The following ADGRG7 variants were observed in gnomAD, a reference collection of about 807,000 sequenced individuals.
ADGRG7 encodes the protein adhesion G protein-coupled receptor G7, also known as G-protein coupled receptor 128.
In ADGRG7, 82 loss-of-function variants were observed where a neutral mutation model predicts 88.6. That is an observed-to-expected ratio of 0.93 (90% CI 0.77 to 1.11). ADGRG7 has a LOEUF of 1.11. Ranked by LOEUF, ADGRG7 falls within the 50% of genes most tolerant of loss-of-function variation. ADGRG7 has a pLI of 0.00. For missense variants in ADGRG7, 945 were observed against 953.4 expected, an observed-to-expected ratio of 0.99 and a Z score of 0.12; for synonymous variants, 381 against 345.2, an observed-to-expected ratio of 1.10 and a Z score of -1.15.
At chr3:100,673,502 T>G (rs1165346) in intron 15 of ADGRG7, among the ~76,000 whole-genome samples, 3 of 148,998 alleles carry the variant, frequency 2.0e-5, no homozygotes, top group Non-Finnish European at 3.0e-5. Context: ...CGGTCTGTCA[T>G]GCAGGCTGGA....
At chr3:100,631,197 G>C (rs1415045556) in intron 3 of ADGRG7, among the ~76,000 whole-genome samples, 2 of 152,094 alleles carry the variant, frequency 1.3e-5, no homozygotes, top group Non-Finnish European at 2.9e-5. Flanking sequence ...TTTCCAGGTA[G>C]AGATGCATGG....
At chr3:100,618,570 T>G (rs187828486) in intron 1 of ADGRG7, among the ~76,000 whole-genome samples, 2,258 of 152,214 alleles carry the variant, frequency 0.015, 47 homozygotes, top group African/African-American at 0.051. Context: ...TGTTCCATTG[T>G]TCTATATCTC....
intron 5 of ADGRG7, among the ~76,000 whole-genome samples, chr3:100,636,068 CT>C (rs1481849680): frequency 6.6e-6 from 1 of 152,070 alleles, no homozygotes; most frequent in Non-Finnish European, 1.5e-5. Context: ...TTGTCTTTTT[CT>C]TTTGAGACAG....
chr3:100,644,682 A>AT (rs1466000383), intron 8 of ADGRG7, among the ~76,000 whole-genome samples: 2 of 150,760 alleles, frequency 1.3e-5, no homozygotes, highest in African/African-American at 4.9e-5. Context: ...AGCCCTGCTA[A>AT]TTAAAAAAAA....
At chr3:100,690,866 G>T (rs975641170) in intron 15 of ADGRG7, among the ~76,000 whole-genome samples, 1 of 152,224 alleles carries the variant, frequency 6.6e-6, no homozygotes, top group Non-Finnish European at 1.5e-5. Context: ...CAAGCTGTGT[G>T]CTGGGAGAAC....
intron 14 of ADGRG7, among the ~76,000 whole-genome samples, chr3:100,667,276 C>A (rs1171302185): frequency 1.3e-5 from 2 of 152,056 alleles, no homozygotes; most frequent in African/African-American, 4.8e-5. Flanking sequence ...GTTTGCTGCA[C>A]CCATTAATCC....
At chr3:100,692,429 G>C (rs2094995503) in intron 15 of ADGRG7, among the ~76,000 whole-genome samples, 1 of 152,164 alleles carries the variant, frequency 6.6e-6, no homozygotes, top group South Asian at 2.1e-4. Flanking sequence ...CAGGAATTTA[G>C]GGAGGAATCT....
At chr3:100,690,670 C>A (rs926232116) in intron 15 of ADGRG7, among the ~76,000 whole-genome samples, 2 of 152,190 alleles carry the variant, frequency 1.3e-5, no homozygotes, top group Admixed American at 1.3e-4. Context: ...GCAGTGGTGG[C>A]TGCAGAACAG....
At chr3:100,631,765 T>C (rs1255179516) in intron 3 of ADGRG7, among the ~76,000 whole-genome samples, 3 of 152,202 alleles carry the variant, frequency 2.0e-5, no homozygotes, top group Non-Finnish European at 4.4e-5. Flanking sequence ...ATTGCTCTTT[T>C]TAAATTACTT....
intron 1 of ADGRG7, among the ~76,000 whole-genome samples, chr3:100,625,647 C>T (rs572900137): frequency 5.9e-5 from 9 of 152,188 alleles, no homozygotes; most frequent in South Asian, 4.1e-4. Flanking sequence ...CCATTCAGTA[C>T]GATATTGGCT....
intron 15 of ADGRG7, among the ~76,000 whole-genome samples, chr3:100,679,133 G>A (rs2094969511): frequency 6.6e-6 from 1 of 152,178 alleles, no homozygotes; most frequent in Admixed American, 6.5e-5. Context: ...ACTACTTGGT[G>A]CTCTATTCTA....
At chr3:100,618,106 CT>C (rs1707251919) in intron 1 of ADGRG7, among the ~76,000 whole-genome samples, 1 of 152,040 alleles carries the variant, frequency 6.6e-6, no homozygotes, top group African/African-American at 2.4e-5. Context: ...ATTGTAGATT[CT>C]GGATTTTAGC....
At position 100,611,361 on chromosome 3, in the gene ADGRG7, A is replaced by C. The variant is rs1707152218; in HGVS notation, c.115+1390A>C. ...CTTCCCCCCGTTCCTTTTTTCCTTT[A>C]TGTAAGCGACATCTATTTTTAAAGG... On this transcript the variant is annotated intron_variant, in intron 1 of 15. Coordinates refer to ENST00000273352, the MANE Select transcript of ADGRG7 (RefSeq NM_032787.3). Among the ~76,000 whole-genome samples the C allele has an allele frequency of 6.0e-5, 8 of 132,590 alleles. 1 individual carries two copies. In the South Asian group the frequency reaches 1.8e-3, roughly 31 times the overall value. 87.0% of individuals were successfully genotyped at this position (132,590 alleles called of 152,430 possible).
In ADGRG7 at chr3:100,630,777, C is replaced by A. The variant is rs750234175; in HGVS notation, c.302C>A (p.Ser101Tyr). Reference sequence around the variant, plus strand: ...ATCCCAGTGGGCAGATATGGACCATCCTTGCAAACATGTGGCAAGGATACT... The same window carrying A: ...ATCCCAGTGGGCAGATATGGACCATACTTGCAAACATGTGGCAAGGATACT... ...ARIPVGRYGP[S>Y]LQTCGKDTPN... The change falls in exon 3 of 16, where the codon TCC becomes TAC. Residue 101 changes from serine (S) to tyrosine (Y), a missense_variant. Transcript: ENST00000273352. 1 of 1,483,156 alleles carries A rather than the reference C, an allele frequency of 6.7e-7. No individual in the cohort carries two copies. The highest frequency in any genetic ancestry group is 8.9e-7 in the Non-Finnish European group (1 of 1,118,648). The allele number at this position is 1,483,156 out of a possible 1,614,324, so 91.9% of individuals were successfully genotyped here. A position where few individuals can be genotyped will look rare whatever the true frequency, so the allele number is the denominator to read the frequency against.
chr3:100,646,336 A>T (rs913216015), intron 9 of ADGRG7: 1 of 603,702 alleles, frequency 1.7e-6, no homozygotes, highest in Non-Finnish European at 2.9e-6. Flanking sequence ...AGGTTCTTTG[A>T]TGTATCCATT....
At chr3:100,691,685 A>T (rs966925597) in intron 15 of ADGRG7, among the ~76,000 whole-genome samples, 1 of 85,958 alleles carries the variant, frequency 1.2e-5, no homozygotes, top group African/African-American at 3.5e-5. Context: ...TACAATCTAC[A>T]TAGTTTATTT....
intron 1 of ADGRG7, among the ~76,000 whole-genome samples, chr3:100,617,792 T>C (rs1166877692): frequency 6.6e-6 from 1 of 152,212 alleles, no homozygotes; most frequent in East Asian, 1.9e-4. Flanking sequence ...ATCGCCACAC[T>C]GACTTCCACA....
intron 14 of ADGRG7, chr3:100,665,104 A>G: frequency 3.9e-6 from 2 of 517,954 alleles, no homozygotes; most frequent in Non-Finnish European, 4.0e-6. Flanking sequence ...GTTCTTCCGT[A>G]TTTCTTATTT....
At chr3:100,631,587 T>A (rs1227010168) in intron 3 of ADGRG7, among the ~76,000 whole-genome samples, 2 of 152,168 alleles carry the variant, frequency 1.3e-5, no homozygotes, top group Non-Finnish European at 2.9e-5. Flanking sequence ...AATTCGCTAC[T>A]TCCTATGGAA....
Sources: gnomAD v4.1 joint callset for allele counts (sites outside exome capture counted in the v4.1 genomes callset) on GRCh38, gnomAD v4.1.1 for gene constraint, MANE v1.5 for transcripts, NCBI Gene and HGNC (gene_info 2026-07-23, HGNC 2026-07-21) for gene names.